CEACAM21: variants seen among roughly 807,000 people sequenced by gnomAD.
The protein encoded by CEACAM21 is cell adhesion molecule CEACAM21.
Under a neutral mutation model 33.2 loss-of-function variants are expected in CEACAM21, and 38 were observed. The ratio of observed to expected loss-of-function variants is 1.14; its 90% confidence interval spans 0.88 to 1.50. CEACAM21 has a LOEUF of 1.50. Ranked by LOEUF, CEACAM21 falls within the 40% of genes most tolerant of loss-of-function variation. The pLI is 0.00. For missense variants in CEACAM21, 385 were observed against 364.6 expected (o/e 1.06, Z -0.46); for synonymous variants, 156 against 143.0 (o/e 1.09, Z -0.65).
At chr19:41,582,002 A>T (rs1161015225) in intron 3 of CEACAM21, among the ~76,000 whole-genome samples, 1 of 152,240 alleles carries the variant, frequency 6.6e-6, no homozygotes, top group Non-Finnish European at 1.5e-5. Flanking sequence ...ATCTGAGACA[A>T]GGCAAGTCCC....
At chr19:41,584,650 C>G (rs375544850) in intron 4 of CEACAM21, among the ~76,000 whole-genome samples, 4 of 152,126 alleles carry the variant, frequency 2.6e-5, no homozygotes, top group Non-Finnish European at 4.4e-5. Context: ...GAATTCAGTC[C>G]AATTAAGGCC....
upstream of CEACAM21, among the ~76,000 whole-genome samples, chr19:41,572,796 T>C (rs928788478): frequency 6.6e-6 from 1 of 152,084 alleles, no homozygotes; most frequent in Non-Finnish European, 1.5e-5. Context: ...TTCCCACACA[T>C]GGCAAGCACT....
intron 1 of CEACAM21, among the ~76,000 whole-genome samples, chr19:41,556,948 A>C (rs1202100243): frequency 6.6e-6 from 1 of 152,236 alleles, no homozygotes; most frequent in South Asian, 2.1e-4. Context: ...AAAGGAATCT[A>C]AAATCTTTTT....
intron 2 of CEACAM21, among the ~76,000 whole-genome samples, chr19:41,567,709 A>G (rs1406250799): frequency 6.6e-6 from 1 of 152,196 alleles, no homozygotes; most frequent in Non-Finnish European, 1.5e-5. Flanking sequence ...GCAGAAAAAG[A>G]GACTGTGCTA....
At chr19:41,579,700 A>G in intron 3 of CEACAM21, 72 bp downstream of exon 3, 1 of 1,065,714 alleles carries the variant, frequency 9.4e-7, no homozygotes, top group East Asian at 2.6e-5. Flanking sequence ...GTGTAAAATG[A>G]TACACGGAAT....
chr19:41,554,338 G>T (rs1390103426), intron 1 of CEACAM21, among the ~76,000 whole-genome samples: 2 of 152,002 alleles, frequency 1.3e-5, no homozygotes, highest in African/African-American at 4.8e-5. Flanking sequence ...GTGTATATGG[G>T]TGACTGAACG....
chr19:41,585,911 C>T, intron 6 of CEACAM21, 40 bp downstream of exon 6: 1 of 1,606,040 alleles, frequency 6.2e-7, no homozygotes, highest in East Asian at 2.2e-5. Context: ...CACTGGGGCC[C>T]CAGCTGTGCA....
At chr19:41,568,043 T>C (rs984773316) in intron 2 of CEACAM21, among the ~76,000 whole-genome samples, 1 of 152,164 alleles carries the variant, frequency 6.6e-6, no homozygotes, top group Non-Finnish European at 1.5e-5. Context: ...GGGATGTGCT[T>C]GACATTTTGG....
At position 41,586,556 on chromosome 19, in the gene CEACAM21, T is replaced by C. The variant is rs2070750063; in HGVS notation, c.*93T>C. 2 of 625,966 alleles carry C rather than the reference T, an allele frequency of 3.2e-6. No individual in the cohort carries two copies. Among genetic ancestry groups the C allele is most frequent in the East Asian group, 8.2e-5 (2 of 24,314 alleles). 38.8% of individuals were successfully genotyped at this position (625,966 alleles called of 1,614,324 possible). On this transcript the variant is annotated 3_prime_UTR_variant, in exon 7 of 7. Transcript: ENST00000401445. ...TTCCTCTGGGAGCTGCTCCTGTGGGTTGATGGAGCGTCCCTGAAGCCCCCA... is the reference window on the plus strand; with the variant it reads ...TTCCTCTGGGAGCTGCTCCTGTGGGCTGATGGAGCGTCCCTGAAGCCCCCA...
In CEACAM21 at chr19:41,564,331, ATTATTTAT is replaced by A. The variant is rs60410378; in HGVS notation, c.-778-321_-778-314del. ...ATAAAGACCAAGGAGTGAGTTATTT[ATTATTTAT>A]TTATTTATTTATTTATTTATTTATT... is the stretch of plus-strand genomic sequence containing the variant. On this transcript the variant is annotated intron_variant, in intron 1 of 7. Transcript: ENST00000407170. Among the ~76,000 whole-genome samples, 392 of 148,418 alleles carry A rather than the reference ATTATTTAT, an allele frequency of 2.6e-3. 4 individuals carry two copies. Among genetic ancestry groups the A allele is most frequent in the East Asian group, 0.013 (64 of 4,928 alleles).
chr19:41,585,216 G>A (rs1224980041), intron 4 of CEACAM21, among the ~76,000 whole-genome samples: 6 of 152,056 alleles, frequency 3.9e-5, no homozygotes, highest in Non-Finnish European at 8.8e-5. Context: ...ATGTTCTCCT[G>A]GCCCAGCATC....
At chr19:41,555,920 G>T (rs1016896519) in intron 1 of CEACAM21, among the ~76,000 whole-genome samples, 1 of 152,194 alleles carries the variant, frequency 6.6e-6, no homozygotes, top group African/African-American at 2.4e-5. Flanking sequence ...CCCAGCAGCC[G>T]TTGCACTCAC....
At chr19:41,582,566 A>G (rs1181834906) in intron 3 of CEACAM21, among the ~76,000 whole-genome samples, 1 of 152,212 alleles carries the variant, frequency 6.6e-6, no homozygotes, top group Non-Finnish European at 1.5e-5. Context: ...ACATCCTCTG[A>G]AATCTAGGCG....
At chr19:41,586,429 C>A in intron 6 of CEACAM21, 35 bp from the exon 7 acceptor site, 1 of 627,644 alleles carries the variant, frequency 1.6e-6, no homozygotes. Context: ...TCTGAGAAGG[C>A]CTCAGGGGTC....
chr19:41,576,072 AG>A (rs2042918722), upstream of CEACAM21: 3 of 610,740 alleles, frequency 4.9e-6, no homozygotes, highest in Middle Eastern at 4.3e-4. Flanking sequence ...CAAGGGAGGC[AG>A]GACTGAGAGG....
chr19:41,586,399 A>G, intron 6 of CEACAM21, 65 bp from the exon 7 acceptor site: 1 of 614,108 alleles, frequency 1.6e-6, no homozygotes, highest in South Asian at 1.4e-5. Context: ...GTGGGCCCAG[A>G]GAGAGATGCC....
At position 41,585,475 on chromosome 19, in the gene CEACAM21, A is replaced by G. The variant is rs1555795029; in HGVS notation, c.830A>G (p.Gln277Arg). 1.2e-6 allele frequency: 2 copies of G among 1,613,694 alleles called. No individual in the cohort carries two copies. The highest frequency in any genetic ancestry group is 1.7e-6 in the Non-Finnish European group (2 of 1,179,812). The change falls in exon 5 of 7, where the codon CAG (glutamine) becomes CGG (arginine). Residue 277 changes from glutamine (Q) to arginine (R), a missense_variant. Transcript: ENST00000401445. Reference protein sequence around the residue: ...ASDQSDFREQQPPASTPGHGP... With the variant: ...ASDQSDFREQRPPASTPGHGP... ...GATCAGAGTGACTTCAGGGAGCAGC[A>G]GCCCCCAGCCTCCACCCCCGGTGAG...
At chr19:41,562,815 A>C (rs2041976320) in intron 1 of CEACAM21, among the ~76,000 whole-genome samples, 1 of 151,048 alleles carries the variant, frequency 6.6e-6, no homozygotes, top group African/African-American at 2.4e-5. Flanking sequence ...TGCAAGCTCC[A>C]CCTCCCGGGT....
At chr19:41,581,172 G>A (rs1295479082) in intron 3 of CEACAM21, among the ~76,000 whole-genome samples, 1 of 152,206 alleles carries the variant, frequency 6.6e-6, no homozygotes, top group Non-Finnish European at 1.5e-5. Context: ...CAGGAATGAG[G>A]GCAAGGAATA....
Sources: gnomAD v4.1 joint callset for allele counts (sites outside exome capture counted in the v4.1 genomes callset) on GRCh38, gnomAD v4.1.1 for gene constraint, MANE v1.5 for transcripts, NCBI Gene and HGNC (gene_info 2026-07-23, HGNC 2026-07-21) for gene names.